TAFA5: variants seen among roughly 807,000 people sequenced by gnomAD.
The protein encoded by TAFA5 is chemokine-like protein TAFA-5.
TAFA5 carries 6 observed loss-of-function variants against 15.3 expected under a neutral mutation model. The ratio of observed to expected loss-of-function variants is 0.39; its 90% CI spans 0.21 to 0.77. The LOEUF (loss-of-function observed/expected upper bound fraction) is 0.77, where lower values mean the gene tolerates loss of function less well. Ranked by LOEUF, TAFA5 falls within the 30% of genes least tolerant of loss-of-function variation. TAFA5 has a pLI of 0.41. For synonymous variants in TAFA5, 103 were observed against 80.7 expected (o/e 1.28, Z -1.48); for missense variants, 161 against 193.1 (o/e 0.83, Z 0.98).
At chr22:48,652,610 G>C (rs533174772) in intron 2 of TAFA5, among the ~76,000 whole-genome samples, 56 of 152,118 alleles carry the variant, frequency 3.7e-4, no homozygotes, top group Non-Finnish European at 7.1e-4. Flanking sequence ...CCAAATCATC[G>C]AGGCCCTGAT....
chr22:48,574,031 C>T lies in TAFA5; in HGVS notation c.113-72566C>T, dbSNP rs114108378. On this transcript the variant is annotated intron_variant, in intron 1 of 3. Coordinates refer to ENST00000402357, the MANE Select transcript of TAFA5 (RefSeq NM_001082967.3). ...CGACCTTGCTGGAGGTCAGGCTCTG[C>T]GAGCCAGGCAGGGTGGGTTCCTGAG... Among the ~76,000 whole-genome samples the T allele has an allele frequency of 5.1e-3, 773 of 152,262 alleles. 6 individuals are homozygous for T. Among genetic ancestry groups the T allele is most frequent in the African/African-American group, 0.018 (740 of 41,540 alleles).
chr22:48,633,345 A>G (rs574363889), intron 1 of TAFA5, among the ~76,000 whole-genome samples: 1 of 152,212 alleles, frequency 6.6e-6, no homozygotes, highest in South Asian at 2.1e-4. Flanking sequence ...TGAATGTTGG[A>G]GAGAGGGGGC....
intron 1 of TAFA5, among the ~76,000 whole-genome samples, chr22:48,515,002 C>T (rs1245123524): frequency 6.6e-6 from 1 of 152,270 alleles, no homozygotes; most frequent in Non-Finnish European, 1.5e-5. Flanking sequence ...GGCTGAACCT[C>T]ATTTAGGAAT....
At chr22:48,603,152 C>G (rs1925035802) in intron 1 of TAFA5, among the ~76,000 whole-genome samples, 3 of 152,244 alleles carry the variant, frequency 2.0e-5, no homozygotes, top group Non-Finnish European at 4.4e-5. Context: ...TGCTTGTAGA[C>G]AGGGTCGCCC....
At chr22:48,634,455 A>G (rs1288689769) in intron 1 of TAFA5, among the ~76,000 whole-genome samples, 2 of 151,158 alleles carry the variant, frequency 1.3e-5, no homozygotes, top group African/African-American at 4.9e-5. Flanking sequence ...TCATTTAGTC[A>G]CTCACTCATT....
At chr22:48,678,953 G>A (rs1291807457) in intron 2 of TAFA5, among the ~76,000 whole-genome samples, 17 of 147,362 alleles carry the variant, frequency 1.2e-4, no homozygotes, top group Admixed American at 3.4e-4. Flanking sequence ...CCAGCTCTGC[G>A]TCCATCCCTC....
intron 3 of TAFA5, among the ~76,000 whole-genome samples, chr22:48,719,010 C>T (rs141332374): frequency 7.2e-5 from 11 of 152,378 alleles, no homozygotes; most frequent in Admixed American, 2.0e-4. Context: ...GCCGGGTCAG[C>T]TCCGCCTTGA....
intron 1 of TAFA5, among the ~76,000 whole-genome samples, chr22:48,582,328 C>G (rs894990352): frequency 6.7e-6 from 1 of 150,344 alleles, no homozygotes; most frequent in Non-Finnish European, 1.5e-5. Flanking sequence ...ACACCACATA[C>G]CACACACAAA....
chr22:48,637,305 C>T lies in TAFA5; in HGVS notation c.113-9292C>T, dbSNP rs192802000. On this transcript the variant is annotated intron_variant, in intron 1 of 3. Coordinates refer to ENST00000402357, the MANE Select transcript of TAFA5 (RefSeq NM_001082967.3). ...TGTGTGCCTGTGAGGAGTGTGAGCT[C>T]ATGGTGGCATGTGCACACATGTGCA... Among the ~76,000 whole-genome samples, 4 of 150,500 alleles carry T rather than the reference C, an allele frequency of 2.7e-5. No homozygotes were observed. The East Asian group carries it at 8.1e-4, about 30-fold the overall frequency.
At chr22:48,648,688 A>G (rs979454613) in intron 2 of TAFA5, among the ~76,000 whole-genome samples, 2 of 151,966 alleles carry the variant, frequency 1.3e-5, no homozygotes, top group African/African-American at 4.8e-5. Context: ...AAAATACAAA[A>G]TTACCCGGGC....
chr22:48,740,079 C>T (rs937203251), intron 3 of TAFA5, among the ~76,000 whole-genome samples: 2 of 152,198 alleles, frequency 1.3e-5, no homozygotes, highest in African/African-American at 4.8e-5. Flanking sequence ...CCCATCCCAG[C>T]TGGCTTGTCC....
Position 48,489,600 on chromosome 22 carries a change from C to A in TAFA5, c.8C>A (p.Pro3Gln). Residue 3 changes from proline (P) to glutamine (Q), a missense_variant, in exon 1 of 4, where the codon CCA (proline) becomes CAA (glutamine). Pro to Gln is a moderately conservative substitution (Grantham distance 76, BLOSUM62 -1). Transcript: ENST00000402357. The surrounding 1 kb of genome is among the most constrained non-coding windows in gnomAD (Gnocchi z 5.5). ...GCGGGCGCCGCGGCTTCAATGGCGC[C>A]ATCGCCCAGGACCGGCAGCCGGCAA... Reference protein sequence around the residue: MAPSPRTGSRQDA... With the variant: MAQSPRTGSRQDA... 6.8e-7 allele frequency: 1 copy of A among 1,475,794 alleles called. No homozygotes were observed. The highest frequency in any genetic ancestry group is 9.0e-7 in the Non-Finnish European group (1 of 1,107,904). The allele number at this position is 1,475,794 out of a possible 1,614,324, so 91.4% of individuals were successfully genotyped here. A position where few individuals can be genotyped will look rare whatever the true frequency, so the allele number is the denominator to read the frequency against.
chr22:48,542,677 TTG>T (rs1303559925), intron 1 of TAFA5, among the ~76,000 whole-genome samples: 1 of 40,714 alleles, frequency 2.5e-5, no homozygotes, highest in Non-Finnish European at 4.6e-5. Context: ...TGTGTGATGT[TTG>T]TGTGGTGTAT....
At chr22:48,675,193 C>T (rs1384031607) in intron 2 of TAFA5, among the ~76,000 whole-genome samples, 1 of 152,218 alleles carries the variant, frequency 6.6e-6, no homozygotes, top group Non-Finnish European at 1.5e-5. Context: ...CCACCCACCT[C>T]GGCCTCCGAA....
intron 3 of TAFA5, among the ~76,000 whole-genome samples, chr22:48,739,871 C>T (rs150548148): frequency 2.0e-5 from 3 of 152,168 alleles, no homozygotes; most frequent in Admixed American, 1.3e-4. Flanking sequence ...TTCCCCGGCG[C>T]GAGGCACGAT....
intron 1 of TAFA5, among the ~76,000 whole-genome samples, chr22:48,498,684 C>T (rs1232587939): frequency 2.0e-5 from 3 of 152,102 alleles, no homozygotes; most frequent in Non-Finnish European, 4.4e-5. Flanking sequence ...TCTGCCTGTA[C>T]ATGGCGGGGC....
rs370004590 is a variant in TAFA5, at chr22:48,559,519, G to A, written c.112+69815G>A. On this transcript the variant is annotated intron_variant, in intron 1 of 3. Transcript: ENST00000402357. Reference sequence around the variant, plus strand: ...GTCCTGGAGCTCTGCTCTGAGAGGCGACATGGCTGATGGAGGAAGGTGGGC... The same window carrying A: ...GTCCTGGAGCTCTGCTCTGAGAGGCAACATGGCTGATGGAGGAAGGTGGGC... 3.3e-5 allele frequency among the ~76,000 whole-genome samples: 5 copies of A among 152,162 alleles called. No homozygotes were observed. The East Asian group carries it at 5.8e-4, about 18-fold the overall frequency.
chr22:48,548,751 C>T (rs1206921744), intron 1 of TAFA5, among the ~76,000 whole-genome samples: 3 of 152,262 alleles, frequency 2.0e-5, no homozygotes, highest in Admixed American at 2.0e-4. Flanking sequence ...AGCATCAGCG[C>T]AGGTGAGAGC....
chr22:48,587,578 C>T (rs1027708822), intron 1 of TAFA5, among the ~76,000 whole-genome samples: 1 of 152,124 alleles, frequency 6.6e-6, no homozygotes, highest in African/African-American at 2.4e-5. Context: ...GGAATGGAGC[C>T]CTGGAGGGTC....
Sources: allele counts gnomAD v4.1 joint callset (sites outside exome capture counted in the v4.1 genomes callset), GRCh38; gene constraint gnomAD v4.1.1; non-coding constraint Gnocchi (gnomAD v3.1); transcripts MANE v1.5; gene names NCBI Gene and HGNC (gene_info 2026-07-23, HGNC 2026-07-21).